Variants in PRAG1 observed in about 807,000 individuals in gnomAD.
The protein encoded by PRAG1 is inactive tyrosine-protein kinase PRAG1.
A neutral mutation model predicts 95.6 loss-of-function variants in PRAG1; 110 were observed. The ratio of observed to expected loss-of-function variants is 1.15; its 90% CI spans 0.99 to 1.35. PRAG1 has a LOEUF of 1.35. Among genes scored for constraint, PRAG1 ranks in the 40% most tolerant of loss-of-function variants. The pLI is 0.00. For missense variants in PRAG1, 2,554 were observed against 1,864.7 expected, an observed-to-expected ratio of 1.37 and a Z score of -6.81; for synonymous variants, 1,052 against 819.4, an observed-to-expected ratio of 1.28 and a Z score of -4.85.
intron 3 of PRAG1, among the ~76,000 whole-genome samples, chr8:8,346,779 T>A (rs1246427011): frequency 3.9e-5 from 6 of 152,188 alleles, no homozygotes; most frequent in African/African-American, 1.4e-4. Flanking sequence ...ATATTCAAAG[T>A]GTGATTGAGG....
chr8:8,376,716 G>A lies in PRAG1; in HGVS notation c.1693C>T (p.Pro565Ser), dbSNP rs777877537. 5 of 1,610,512 alleles carry A rather than the reference G, an allele frequency of 3.1e-6. No individual in the cohort carries two copies. Among genetic ancestry groups the A allele is most frequent in the Admixed American group, 3.3e-5 (2 of 60,012 alleles). ...GSPVSPSAGG[P>S]PVSPLADLSD... ...AGGTCAGCCAGCGGTGACACTGGGG[G>A]CCCTCCAGCAGACGGTGACACCGGG... The change falls in exon 3 of 6, where the codon CCC becomes TCC. Residue 565 changes from proline to serine, a missense_variant. Coordinates refer to ENST00000615670, the MANE Select transcript of PRAG1 (RefSeq NM_001080826.3).
chr8:8,343,847 C>T (rs1478738983), intron 3 of PRAG1, among the ~76,000 whole-genome samples: 2 of 151,974 alleles, frequency 1.3e-5, no homozygotes, highest in African/African-American at 4.8e-5. Flanking sequence ...TCTTGACCAG[C>T]CTTGTCCAAT....
At chr8:8,386,083 T>C (rs1000414995) in intron 1 of PRAG1, among the ~76,000 whole-genome samples, 2 of 152,178 alleles carry the variant, frequency 1.3e-5, no homozygotes, top group Non-Finnish European at 2.9e-5. Context: ...AAGAGCGCGA[T>C]TCTCGAATGA....
In PRAG1 at chr8:8,324,823, C is replaced by A. The variant is rs568252000; in HGVS notation, c.3072+2887G>T. Among the ~76,000 whole-genome samples, 95 of 152,298 alleles carry A rather than the reference C, an allele frequency of 6.2e-4. No individual in the cohort carries two copies. The South Asian group carries it at 7.7e-3, about 12-fold the overall frequency. On this transcript the variant is annotated intron_variant, in intron 5 of 5. Coordinates refer to ENST00000615670, the MANE Select transcript of PRAG1 (RefSeq NM_001080826.3). ...CCAAACTAGAATTCTGTCTAGATGG[C>A]TGAGAAATGAAACTGCTTCGAAGAC... is the stretch of plus-strand genomic sequence containing the variant.
intron 5 of PRAG1, among the ~76,000 whole-genome samples, chr8:8,323,649 T>A (rs113976973): frequency 2.6e-4 from 40 of 152,242 alleles, no homozygotes; most frequent in African/African-American, 9.6e-4. Context: ...GCTTGGCTTC[T>A]CCTTGCTGCC....
Position 8,377,127 on chromosome 8 carries a change from T to C in PRAG1, c.1282A>G (p.Lys428Glu). 6.2e-7 allele frequency: 1 copy of C among 1,613,004 alleles called. No homozygotes were observed. The highest frequency in any genetic ancestry group is 8.5e-7 in the Non-Finnish European group (1 of 1,179,998). The change falls in exon 3 of 6, where the codon AAG becomes GAG. Residue 428 changes from lysine to glutamate, a missense_variant. By Grantham distance (56) the Lys-to-Glu change is moderately conservative. Transcript: ENST00000615670. Reference protein sequence around the residue: ...KRKKAAPVPSKSQAKIEHAAA... With the variant: ...KRKKAAPVPSESQAKIEHAAA... ...GCATGTTCTATCTTGGCCTGTGACT[T>C]GGAAGGCACCGGAGCTGCCTTCTTC...
chr8:8,370,475 T>C (rs1362971657), intron 3 of PRAG1, among the ~76,000 whole-genome samples: 1 of 152,230 alleles, frequency 6.6e-6, no homozygotes, highest in Non-Finnish European at 1.5e-5. Flanking sequence ...ATTCTCTAAA[T>C]ACAGTGCTTC....
chr8:8,331,032 C>T (rs778927998), intron 4 of PRAG1, among the ~76,000 whole-genome samples: 3 of 152,176 alleles, frequency 2.0e-5, no homozygotes, highest in Non-Finnish European at 2.9e-5. Context: ...ACCAGCGAGG[C>T]GTCTGATTCT....
chr8:8,354,311 G>T (rs1168735778), intron 3 of PRAG1, among the ~76,000 whole-genome samples: 1 of 151,892 alleles, frequency 6.6e-6, no homozygotes, highest in Non-Finnish European at 1.5e-5. Context: ...CCCAGGACCA[G>T]ATGGCTTCAC....
At chr8:8,332,611 C>T (rs1201034802) in intron 4 of PRAG1, among the ~76,000 whole-genome samples, 1 of 151,960 alleles carries the variant, frequency 6.6e-6, no homozygotes, top group Non-Finnish European at 1.5e-5. Context: ...AGAATTCACT[C>T]TTGGAGCCCC....
At chr8:8,338,145 C>A (rs557274751) in intron 4 of PRAG1, among the ~76,000 whole-genome samples, 2 of 152,276 alleles carry the variant, frequency 1.3e-5, no homozygotes, top group South Asian at 2.1e-4. Context: ...CTTCTGGAAG[C>A]CTTTATAAGA....
chr8:8,377,476 G>T lies in PRAG1; in HGVS notation c.933C>A (p.Cys311Ter), dbSNP rs566208247. The T allele has an allele frequency of 1.4e-5, 22 of 1,552,750 alleles. No individual in the cohort carries two copies. In the Admixed American group the frequency reaches 3.1e-4, roughly 22 times the overall value. ...GGTGGGCAGTGGGGCCCTGGCTACAGCACTCCTTGGGGAAGCTCGGGCCCC... is the reference window on the plus strand; with the variant it reads ...GGTGGGCAGTGGGGCCCTGGCTACATCACTCCTTGGGGAAGCTCGGGCCCC... ...EKRGPSFPKE[C>*]CSQGPTAHPS... Residue 311 changes from cysteine (C) to a stop codon, truncating the protein, a stop_gained, in exon 3 of 6, where the codon TGC becomes TGA. Coordinates refer to ENST00000615670, the MANE Select transcript of PRAG1 (RefSeq NM_001080826.3). LOFTEE classifies it high-confidence loss of function.
At chr8:8,356,082 G>C (rs925693227) in intron 3 of PRAG1, among the ~76,000 whole-genome samples, 2 of 152,132 alleles carry the variant, frequency 1.3e-5, no homozygotes, top group African/African-American at 4.8e-5. Context: ...CAATAGCAGA[G>C]CAATAAGTAA....
intron 3 of PRAG1, among the ~76,000 whole-genome samples, chr8:8,341,293 CAT>C (rs1178008440): frequency 6.6e-5 from 10 of 152,278 alleles, no homozygotes; most frequent in East Asian, 1.9e-4. Context: ...AATACATAAA[CAT>C]GTGTATGTAT....
chr8:8,378,184 T>C (rs1800499692), intron 2 of PRAG1, 106 bp from the exon 3 acceptor site: 1 of 1,328,908 alleles, frequency 7.5e-7, no homozygotes, highest in Non-Finnish European at 1.0e-6. Flanking sequence ...GAATGTCTTC[T>C]GTAGTGCAGT....
intron 4 of PRAG1, among the ~76,000 whole-genome samples, chr8:8,332,716 G>C (rs1168562412): frequency 6.9e-6 from 1 of 145,434 alleles, no homozygotes; most frequent in Non-Finnish European, 1.5e-5. Flanking sequence ...TGAAATAGAT[G>C]CTAACATGCA....
intron 3 of PRAG1, among the ~76,000 whole-genome samples, chr8:8,353,792 G>A (rs993205502): frequency 1.3e-5 from 2 of 152,036 alleles, no homozygotes; most frequent in African/African-American, 4.8e-5. Context: ...GAGTGACAGA[G>A]TGAGGCCCTG....
At chr8:8,366,333 G>C in intron 3 of PRAG1, among the ~76,000 whole-genome samples, 1 of 135,712 alleles carries the variant, frequency 7.4e-6, no homozygotes, top group Admixed American at 7.5e-5. Context: ...TTTTTTTTGA[G>C]ACGGAGTTTC....
chr8:8,369,111 G>A (rs73184344), intron 3 of PRAG1, among the ~76,000 whole-genome samples: 1 of 151,784 alleles, frequency 6.6e-6, no homozygotes, highest in African/African-American at 2.4e-5. Flanking sequence ...TGTTGAGCGA[G>A]AATAGTTGCA....
Sources: allele counts gnomAD v4.1 joint callset (sites outside exome capture counted in the v4.1 genomes callset), GRCh38; gene constraint gnomAD v4.1.1; transcripts MANE v1.5; gene names NCBI Gene and HGNC (gene_info 2026-07-23, HGNC 2026-07-21).